The following IL1RAPL2 variants were observed in gnomAD, a reference collection of about 807,000 sequenced individuals.
IL1RAPL2 encodes interleukin 1 receptor accessory protein like 2.
In IL1RAPL2, 3 loss-of-function variants were observed where a neutral mutation model predicts 44.1. The observed-to-expected ratio is 0.07, with a 90% CI of 0.03 to 0.18. The LOEUF is 0.18. Among genes scored for constraint, IL1RAPL2 ranks in the 10% least tolerant of loss-of-function variants. The pLI is 1.00. For missense variants in IL1RAPL2, 391 were observed against 496.4 expected (o/e 0.79, Z 2.02); for synonymous variants, 181 against 178.8 (o/e 1.01, Z -0.10).
At chrX:105,332,499 T>C (rs2034994480) in intron 5 of IL1RAPL2, among the ~76,000 whole-genome samples, 1 of 111,624 alleles carries the variant, frequency 9.0e-6, no homozygotes, top group South Asian at 3.7e-4. Flanking sequence ...CTCAACATAG[T>C]ACTGGAAGTC....
At chrX:104,979,242 A>C (rs1040501691) in intron 2 of IL1RAPL2, among the ~76,000 whole-genome samples, 2 of 111,517 alleles carry the variant, frequency 1.8e-5, no homozygotes, top group African/African-American at 3.2e-5. Context: ...AATTGACTAT[A>C]CAGTAAAAAG....
chrX:105,588,349 TTAGA>T (rs1167649958), intron 6 of IL1RAPL2, among the ~76,000 whole-genome samples: 3 of 111,919 alleles, frequency 2.7e-5, no homozygotes, highest in South Asian at 3.7e-4. Flanking sequence ...AAGTTGATTC[TTAGA>T]TAAAGACAAA....
chrX:105,220,052 C>T, intron 3 of IL1RAPL2: 3 of 1,211,769 alleles, frequency 2.5e-6, no homozygotes, highest in Non-Finnish European at 3.4e-6. Flanking sequence ...TCCTGCTGCT[C>T]CCTGAGCTTC....
At chrX:105,138,292 A>G (rs932446895) in intron 2 of IL1RAPL2, among the ~76,000 whole-genome samples, 3 of 110,780 alleles carry the variant, frequency 2.7e-5, no homozygotes, top group African/African-American at 9.8e-5. Context: ...TTGCTTGAAC[A>G]AATTTGTTTC....
Position 105,116,258 on chromosome X carries a change from C to T in IL1RAPL2, c.83-79217C>T, listed in dbSNP as rs146224611. 4.7e-3 allele frequency among the ~76,000 whole-genome samples: 533 copies of T among 112,506 alleles called. 6 individuals carry two copies. The highest frequency in any genetic ancestry group is 0.016 in the African/African-American group (485 of 31,046). On this transcript the variant is annotated intron_variant, in intron 2 of 10. Coordinates refer to ENST00000372582, the MANE Select transcript of IL1RAPL2 (RefSeq NM_017416.2). ...GCAAGGGCTGCAAGGGCTGCCAGCA[C>T]GCTGTCACCTCTCAGTTTTAGGTAA...
intron 2 of IL1RAPL2, among the ~76,000 whole-genome samples, chrX:104,839,933 T>G (rs995838843): frequency 9.0e-6 from 1 of 111,656 alleles, no homozygotes; most frequent in African/African-American, 3.3e-5. Context: ...TTTTTTATTG[T>G]GTCTCTTTAT....
intron 2 of IL1RAPL2, among the ~76,000 whole-genome samples, chrX:105,108,494 A>ATTTTTTTTTTTTT (rs71816209): frequency 4.1e-4 from 30 of 73,615 alleles, no homozygotes; most frequent in African/African-American, 6.5e-4. Context: ...CCATGCCCGG[A>ATTTTTTTTTTTTT]TTTTTTTTTT....
At chrX:104,903,007 A>G (rs927520654) in intron 2 of IL1RAPL2, among the ~76,000 whole-genome samples, 11 of 111,842 alleles carry the variant, frequency 9.8e-5, no homozygotes, top group Non-Finnish European at 2.1e-4. Context: ...ATTTAGCTAA[A>G]TTAACAATGG....
At chrX:104,688,984 A>G (rs1023911854) in intron 2 of IL1RAPL2, among the ~76,000 whole-genome samples, 8 of 111,650 alleles carry the variant, frequency 7.2e-5, no homozygotes, top group Non-Finnish European at 1.3e-4. Context: ...TCCTTAGGCC[A>G]TGAAGTCTAA....
At chrX:105,489,803 C>CTCTCTCTCTT (rs2036301326) in intron 6 of IL1RAPL2, among the ~76,000 whole-genome samples, 1 of 99,957 alleles carries the variant, frequency 1.0e-5, no homozygotes, top group Non-Finnish European at 2.0e-5. Flanking sequence ...CTCTCTCTCT[C>CTCTCTCTCTT]TCTCTCTCTC....
At chrX:105,062,463 G>T (rs1301881690) in intron 2 of IL1RAPL2, among the ~76,000 whole-genome samples, 1 of 111,470 alleles carries the variant, frequency 9.0e-6, no homozygotes, top group Non-Finnish European at 1.9e-5. Flanking sequence ...GGTAAGAGTA[G>T]TTTACACACT....
intron 2 of IL1RAPL2, among the ~76,000 whole-genome samples, chrX:104,862,553 G>A (rs1922522124): frequency 9.1e-6 from 1 of 110,444 alleles, no homozygotes; most frequent in African/African-American, 3.3e-5. Context: ...AAAAAAAGAA[G>A]CCCCTAGAAG....
intron 5 of IL1RAPL2, among the ~76,000 whole-genome samples, chrX:105,436,036 C>T (rs2035880135): frequency 3.6e-5 from 4 of 110,928 alleles, no homozygotes. Flanking sequence ...GCACATGTAT[C>T]CCAGAACTTA....
rs747929543 is a variant in IL1RAPL2, at chrX:105,450,907, AGT to A, written c.698-33372_698-33371del. ...AGACCACAACTCAGTCTTAGGTCCG[AGT>A]GTGTGTGTGTGTGTGTGTGTGTGTG... On this transcript the variant is annotated intron_variant, in intron 5 of 10. Coordinates refer to ENST00000372582, the MANE Select transcript of IL1RAPL2 (RefSeq NM_017416.2). Among the ~76,000 whole-genome samples the A allele has an allele frequency of 2.9e-3, 270 of 93,602 alleles. 1 individual carries two copies. Among genetic ancestry groups the A allele is most frequent in the Middle Eastern group, 5.6e-3 (1 of 179 alleles). The allele number at this position is 93,602 out of a possible 115,157, so 81.3% of individuals were successfully genotyped here. A position where few individuals can be genotyped will look rare whatever the true frequency, so the allele number is the denominator to read the frequency against.
At chrX:105,618,870 T>C (rs1389494582) in intron 6 of IL1RAPL2, among the ~76,000 whole-genome samples, 1 of 111,509 alleles carries the variant, frequency 9.0e-6, no homozygotes, top group Non-Finnish European at 1.9e-5. Flanking sequence ...CAGATTCCCC[T>C]TCAACAAAAG....
At chrX:104,909,226 A>T (rs1262635478) in intron 2 of IL1RAPL2, among the ~76,000 whole-genome samples, 1 of 111,173 alleles carries the variant, frequency 9.0e-6, no homozygotes, top group Non-Finnish European at 1.9e-5. Context: ...TGTATTGTTT[A>T]TTCTAGTTAT....
intron 5 of IL1RAPL2, among the ~76,000 whole-genome samples, chrX:105,397,662 G>A (rs1370142880): frequency 9.0e-6 from 1 of 111,019 alleles, no homozygotes; most frequent in African/African-American, 3.3e-5. Flanking sequence ...GAATAAGTGA[G>A]GGGATAAGAT....
At chrX:104,616,409 T>C (rs1929279764) in intron 1 of IL1RAPL2, among the ~76,000 whole-genome samples, 2 of 112,233 alleles carry the variant, frequency 1.8e-5, no homozygotes, top group South Asian at 7.4e-4. Context: ...GTTTATAGTT[T>C]AATATGAAGA....
intron 6 of IL1RAPL2, among the ~76,000 whole-genome samples, chrX:105,538,032 CTTTTTTTTTT>C (rs1191360462): frequency 5.0e-5 from 4 of 80,760 alleles, no homozygotes; most frequent in African/African-American, 2.4e-4. Flanking sequence ...ATTTTCCCTT[CTTTTTTTTTT>C]TTTTTTTTTT....
Sources: gnomAD v4.1 joint callset for allele counts (sites outside exome capture counted in the v4.1 genomes callset) on GRCh38, gnomAD v4.1.1 for gene constraint, MANE v1.5 for transcripts, NCBI Gene and HGNC (gene_info 2026-07-23, HGNC 2026-07-21) for gene names.